The following TTBK2 variants were observed in gnomAD, a reference collection of about 807,000 sequenced individuals.
TTBK2 encodes the protein tau tubulin kinase 2, also known as tau-tubulin kinase 2.
TTBK2 carries 28 observed loss-of-function variants against 110.8 expected under a neutral mutation model. That is an observed-to-expected ratio of 0.25 (90% confidence interval 0.19 to 0.35). The LOEUF is 0.35. Among genes scored for constraint, TTBK2 ranks in the 10% least tolerant of loss-of-function variants. TTBK2 has a pLI of 1.00. For missense variants in TTBK2, 1,369 were observed against 1,500.3 expected (o/e 0.91, Z 1.45); for synonymous variants, 532 against 527.3 (o/e 1.01, Z -0.12).
intron 2 of TTBK2, 79 bp downstream of exon 2, chr15:42,878,470 A>C: frequency 6.3e-7 from 1 of 1,591,096 alleles, no homozygotes; most frequent in Non-Finnish European, 8.5e-7. Flanking sequence ...TCAGGATACC[A>C]AAAATTACCC....
chr15:42,916,351 A>G (rs1490030352), intron 1 of TTBK2, among the ~76,000 whole-genome samples: 1 of 152,116 alleles, frequency 6.6e-6, no homozygotes, highest in Non-Finnish European at 1.5e-5. Context: ...TTTTTGATAC[A>G]GAGTTTCACT....
In TTBK2 at chr15:42,871,541, G is replaced by A. The variant is rs530822832; in HGVS notation, c.217+1070C>T. ...ATACCCTTCATGGGCTTGGCTGATAGTAAAACAGGTATCCTGGGATCTGTG... is the reference window on the plus strand; with the variant it reads ...ATACCCTTCATGGGCTTGGCTGATAATAAAACAGGTATCCTGGGATCTGTG... On this transcript the variant is annotated intron_variant, in intron 3 of 14. Coordinates refer to ENST00000267890, the MANE Select transcript of TTBK2 (RefSeq NM_173500.4). 7 of 985,340 alleles carry A rather than the reference G, an allele frequency of 7.1e-6. No homozygotes were observed. In the Admixed American group the frequency reaches 2.5e-4, roughly 35 times the overall value. The allele number at this position is 985,340 out of a possible 1,614,324, so 61.0% of individuals were successfully genotyped here.
intron 3 of TTBK2, chr15:42,871,345 A>G (rs1894608397): frequency 1.0e-5 from 7 of 671,166 alleles, no homozygotes; most frequent in Non-Finnish European, 1.1e-5. Flanking sequence ...AAGGTACTAA[A>G]CTGATCTTCA....
At chr15:42,799,641 G>A (rs1034398529) in intron 9 of TTBK2, among the ~76,000 whole-genome samples, 2 of 151,882 alleles carry the variant, frequency 1.3e-5, no homozygotes, top group African/African-American at 2.4e-5. Context: ...TTGCCATGTC[G>A]GCCAGGCTGG....
chr15:42,755,955 G>C (rs1033542245), intron 13 of TTBK2, among the ~76,000 whole-genome samples: 7 of 152,152 alleles, frequency 4.6e-5, no homozygotes, highest in Admixed American at 1.3e-4. Flanking sequence ...CAGCGCTCTG[G>C]GGGGCCGAGG....
chr15:42,766,720 T>G lies in TTBK2; in HGVS notation c.1998+8415A>C, dbSNP rs1595889759. Among the ~76,000 whole-genome samples the G allele has an allele frequency of 2.6e-5, 4 of 152,262 alleles. No homozygotes were observed. In the East Asian group the frequency reaches 5.8e-4, roughly 22 times the overall value. On this transcript the variant is annotated intron_variant, in intron 13 of 14. Transcript: ENST00000267890. ...CACCCCACTGTCAACATTAGTCAGA[T>G]GAACCAGACAGAAGGTTAACAAGGA...
chr15:42,801,216 C>T, intron 9 of TTBK2: 1 of 1,533,556 alleles, frequency 6.5e-7, no homozygotes, highest in Non-Finnish European at 9.0e-7. Flanking sequence ...CTCCAGCCAG[C>T]TCTCCTCGCC....
intron 4 of TTBK2, among the ~76,000 whole-genome samples, chr15:42,838,123 G>T (rs1258091023): frequency 6.6e-6 from 1 of 151,826 alleles, no homozygotes; most frequent in East Asian, 2.0e-4. Flanking sequence ...CAGGAGAATC[G>T]CTTGAACCCG....
intron 13 of TTBK2, among the ~76,000 whole-genome samples, chr15:42,763,432 T>A (rs1889200482): frequency 1.3e-5 from 2 of 150,794 alleles, no homozygotes; most frequent in South Asian, 4.2e-4. Flanking sequence ...CAGGTTGGTC[T>A]CCAACTCCTG....
chr15:42,840,975 A>G (rs1199903397), intron 3 of TTBK2, among the ~76,000 whole-genome samples: 2 of 152,152 alleles, frequency 1.3e-5, no homozygotes, highest in Admixed American at 6.5e-5. Flanking sequence ...GGTACAGCAG[A>G]AATCTCATTA....
intron 3 of TTBK2, among the ~76,000 whole-genome samples, chr15:42,855,615 C>T (rs1468537713): frequency 6.6e-6 from 1 of 152,192 alleles, no homozygotes; most frequent in Non-Finnish European, 1.5e-5. Context: ...GGCATGAGTT[C>T]ATAATGATAC....
chr15:42,824,894 GACA>G (rs1224691153), intron 6 of TTBK2, among the ~76,000 whole-genome samples: 1 of 151,760 alleles, frequency 6.6e-6, no homozygotes, highest in African/African-American at 2.4e-5. Flanking sequence ...AATAAAAAAT[GACA>G]ACAATATACA....
At chr15:42,874,064 C>T (rs552207126) in intron 2 of TTBK2, among the ~76,000 whole-genome samples, 3 of 152,214 alleles carry the variant, frequency 2.0e-5, no homozygotes, top group South Asian at 4.1e-4. Context: ...TGTATTATTG[C>T]CTTGTATTTT....
intron 1 of TTBK2, among the ~76,000 whole-genome samples, chr15:42,909,502 G>T (rs531978834): frequency 2.5e-4 from 38 of 151,966 alleles, no homozygotes; most frequent in African/African-American, 7.5e-4. Context: ...TCCTCCTCTC[G>T]CAAGAGCCTT....
At position 42,815,899 on chromosome 15, in the gene TTBK2, TATATATATTTAAAA is replaced by T. The variant is rs1312837809; in HGVS notation, c.603+1119_603+1132del. On this transcript the variant is annotated intron_variant, in intron 7 of 14. Transcript: ENST00000267890. ...AAATATATATATATTTAAAAATATA[TATATATATTTAAAA>T]ATATATATATATTTAAAAATATATA... Among the ~76,000 whole-genome samples the T allele has an allele frequency of 5.0e-3, 582 of 117,138 alleles. 5 individuals are homozygous for T. The highest frequency in any genetic ancestry group is 0.021 in the African/African-American group (537 of 25,308). The allele number at this position is 117,138 out of a possible 152,430, so 76.8% of individuals were successfully genotyped here. A position where few individuals can be genotyped will look rare whatever the true frequency, so the allele number is the denominator to read the frequency against.
In TTBK2 at chr15:42,744,144, CTG is replaced by C. The variant is rs948099726; in HGVS notation, c.*1649_*1650del. On this transcript the variant is annotated 3_prime_UTR_variant, in exon 15 of 15. Coordinates refer to ENST00000267890, the MANE Select transcript of TTBK2 (RefSeq NM_173500.4). ...TTGCATTCCTCTGGAGTGTTTGAAACTGGAGAGAAATTAAGATTCCACACTAT... is the reference window on the plus strand; with the variant it reads ...TTGCATTCCTCTGGAGTGTTTGAAACGAGAGAAATTAAGATTCCACACTAT... 6.6e-6 allele frequency: 1 copy of C among 152,070 alleles called. No individual in the cohort carries two copies. Among genetic ancestry groups the C allele is most frequent in the African/African-American group, 2.4e-5 (1 of 41,410 alleles). The allele number at this position is 152,070 out of a possible 1,614,324, so 9.4% of individuals were successfully genotyped here.
At chr15:42,898,490 G>A (rs537078708) in intron 1 of TTBK2, among the ~76,000 whole-genome samples, 22 of 151,706 alleles carry the variant, frequency 1.5e-4, no homozygotes, top group African/African-American at 4.8e-4. Context: ...CAGCCTGGGC[G>A]GCAGAGTGAG....
intron 3 of TTBK2, among the ~76,000 whole-genome samples, chr15:42,851,779 G>A (rs932735344): frequency 1.3e-5 from 2 of 151,960 alleles, no homozygotes; most frequent in African/African-American, 2.4e-5. Context: ...ACAGGAAACC[G>A]GTAACAGTAG....
chr15:42,747,798 A>T (rs1299104857), intron 14 of TTBK2, among the ~76,000 whole-genome samples: 1 of 152,188 alleles, frequency 6.6e-6, no homozygotes, highest in East Asian at 1.9e-4. Context: ...ACAGCAAAGG[A>T]ACAGACAAAT....
Sources: allele counts gnomAD v4.1 joint callset (sites outside exome capture counted in the v4.1 genomes callset), GRCh38; gene constraint gnomAD v4.1.1; transcripts MANE v1.5; gene names NCBI Gene and HGNC (gene_info 2026-07-23, HGNC 2026-07-21).